The following ABCG2 variants were observed in gnomAD, a reference collection of about 807,000 sequenced individuals.
ABCG2 encodes the protein broad substrate specificity ATP-binding cassette transporter ABCG2.
ABCG2 carries 80 observed loss-of-function variants against 73.5 expected under a neutral mutation model. The ratio of observed to expected loss-of-function variants is 1.09; its 90% CI spans 0.91 to 1.31. ABCG2 has a LOEUF of 1.31. ABCG2 is among the 50% of genes most tolerant of loss of function. The pLI is 0.00. For synonymous variants in ABCG2, 269 were observed against 282.4 expected (o/e 0.95, Z 0.48); for missense variants, 796 against 786.2 (o/e 1.01, Z -0.15).
At chr4:88,199,849 A>G (rs1272345375) in intron 1 of ABCG2, among the ~76,000 whole-genome samples, 1 of 151,856 alleles carries the variant, frequency 6.6e-6, no homozygotes, top group Admixed American at 6.6e-5. Flanking sequence ...AATACAAAAA[A>G]GATTAGCCGG....
intron 1 of ABCG2, among the ~76,000 whole-genome samples, chr4:88,182,441 G>A (rs141556961): frequency 5.3e-5 from 8 of 152,180 alleles, no homozygotes; most frequent in African/African-American, 1.9e-4. Flanking sequence ...AACAGCTACA[G>A]AATACACATT....
intron 2 of ABCG2, among the ~76,000 whole-genome samples, chr4:88,137,110 C>A (rs1470308061): frequency 6.6e-6 from 1 of 151,570 alleles, no homozygotes; most frequent in Admixed American, 6.6e-5. Context: ...GAGGGAAGAA[C>A]CCACCTTGAA....
intron 8 of ABCG2, 88 bp downstream of exon 8, chr4:88,114,869 C>T (rs1429146415): frequency 2.4e-6 from 2 of 826,672 alleles, no homozygotes; most frequent in Non-Finnish European, 3.8e-6. Flanking sequence ...CAGAAATTCA[C>T]AAAGCCACAT....
intron 1 of ABCG2, among the ~76,000 whole-genome samples, chr4:88,230,707 A>G (rs1730432926): frequency 6.6e-6 from 1 of 152,126 alleles, no homozygotes; most frequent in Non-Finnish European, 1.5e-5. Flanking sequence ...CCTGCCTACA[A>G]TGCCCAACCC....
chr4:88,135,346 C>T (rs1161540395), intron 2 of ABCG2, among the ~76,000 whole-genome samples: 1 of 152,210 alleles, frequency 6.6e-6, no homozygotes, highest in East Asian at 1.9e-4. Flanking sequence ...CTGCCCATGA[C>T]ATACAGCACA....
At position 88,173,755 on chromosome 4, in the gene ABCG2, T is replaced by C. The variant is rs7658626; in HGVS notation, c.-19-33741A>G. On this transcript the variant is annotated intron_variant, in intron 1 of 15. Coordinates refer to the ABCG2 transcript ENST00000515655. ...GGCTCATACCTGTAATCCCAACACT[T>C]TGGGAGGCTGAGATGGGAAGATCAC... 5.0e-3 allele frequency among the ~76,000 whole-genome samples: 755 copies of C among 152,242 alleles called. 6 individuals carry two copies. The highest frequency in any genetic ancestry group is 0.017 in the Middle Eastern group (5 of 294).
chr4:88,147,345 A>G lies in ABCG2; in HGVS notation c.-19-7331T>C, dbSNP rs185848200. Among the ~76,000 whole-genome samples the G allele has an allele frequency of 2.0e-5, 3 of 152,354 alleles. No homozygotes were observed. The East Asian group carries it at 5.8e-4, about 29-fold the overall frequency. ...CAATATATACCAGTATTTAGATAAC[A>G]GCTTTAACAATTCAGCATTAAAACG... On this transcript the variant is annotated intron_variant, in intron 1 of 15. Transcript: ENST00000237612.
At chr4:88,226,458 G>A (rs1730216309) in intron 1 of ABCG2, among the ~76,000 whole-genome samples, 1 of 152,180 alleles carries the variant, frequency 6.6e-6, no homozygotes, top group Non-Finnish European at 1.5e-5. Flanking sequence ...TGTTGTTGGT[G>A]TTTCTATTGT....
intron 5 of ABCG2, among the ~76,000 whole-genome samples, 185 bp downstream of exon 5, chr4:88,130,876 A>G (rs1724807021): frequency 6.6e-6 from 1 of 152,184 alleles, no homozygotes; most frequent in South Asian, 2.1e-4. Context: ...AACCAATGTG[A>G]AGATTTTTTT....
At chr4:88,095,499 T>C in intron 14 of ABCG2, 21 bp downstream of exon 14, 2 of 1,597,378 alleles carry the variant, frequency 1.3e-6, no homozygotes, top group South Asian at 2.2e-5. Flanking sequence ...GCAGTCACAG[T>C]GACAGACAAG....
chr4:88,204,331 G>A (rs1394160042), intron 1 of ABCG2, among the ~76,000 whole-genome samples: 1 of 152,192 alleles, frequency 6.6e-6, no homozygotes, highest in Non-Finnish European at 1.5e-5. Flanking sequence ...TGAGGCAGGA[G>A]AGTCGCTTGA....
chr4:88,169,046 CTTT>C (rs55711211), intron 1 of ABCG2, among the ~76,000 whole-genome samples: 17 of 138,834 alleles, frequency 1.2e-4, no homozygotes, highest in South Asian at 2.3e-4. Flanking sequence ...AAGTAGTTAT[CTTT>C]TTTTTTTTTT....
chr4:88,097,707 TA>T, intron 12 of ABCG2, 100 bp from the exon 13 acceptor site: 2 of 1,296,780 alleles, frequency 1.5e-6, no homozygotes, highest in Non-Finnish European at 2.1e-6. Context: ...TTTGAGAAAC[TA>T]ATATTAGAAT....
intron 1 of ABCG2, among the ~76,000 whole-genome samples, chr4:88,221,184 G>A (rs376482560): frequency 6.6e-6 from 1 of 152,014 alleles, no homozygotes; most frequent in Non-Finnish European, 1.5e-5. Context: ...TACAAGAATC[G>A]CTTGAACCTG....
At position 88,118,223 on chromosome 4, in the gene ABCG2, G is replaced by C; in HGVS notation, c.727C>G (p.His243Asp). 6.2e-7 allele frequency: 1 copy of C among 1,614,146 alleles called. No individual in the cohort carries two copies. Among genetic ancestry groups the C allele is most frequent in the Non-Finnish European group, 8.5e-7 (1 of 1,179,998 alleles). ...TTGAAGATGGAATATCGAGGCTGAT[G>C]AATGGAGAAGATGATTGTTCGTCCC... ...KQGRTIIFSI[H>D]QPRYSIFKLF... Residue 243 changes from histidine (H) to aspartate (D), a missense_variant, in exon 7 of 16, where the codon CAT becomes GAT. Coordinates refer to ENST00000237612, the MANE Select transcript of ABCG2 (RefSeq NM_004827.3).
At chr4:88,185,808 C>T (rs1728430702) in intron 1 of ABCG2, among the ~76,000 whole-genome samples, 1 of 152,132 alleles carries the variant, frequency 6.6e-6, no homozygotes, top group Admixed American at 6.5e-5. Flanking sequence ...GAGATATCAT[C>T]TCATCCCAGT....
intron 1 of ABCG2, among the ~76,000 whole-genome samples, chr4:88,144,662 G>A (rs1267251022): frequency 1.3e-5 from 2 of 152,000 alleles, no homozygotes; most frequent in Admixed American, 6.6e-5. Flanking sequence ...CACCATGGTG[G>A]TCAAGGCTGG....
intron 1 of ABCG2, among the ~76,000 whole-genome samples, chr4:88,211,358 G>GCCCCCCCCCCCCCCCCCCC (rs1264405228): frequency 8.9e-5 from 3 of 33,648 alleles, no homozygotes; most frequent in Non-Finnish European, 1.1e-4. Flanking sequence ...TTCAACCCCT[G>GCCCCCCCCCCCCCCCCCCC]CCCCACCCCC....
upstream of ABCG2, chr4:88,163,674 C>T: frequency 6.4e-6 from 2 of 311,896 alleles, no homozygotes; most frequent in East Asian, 1.0e-4. Flanking sequence ...TTCACAAGCG[C>T]ATTCATAGAG....
Sources: gnomAD v4.1 joint callset for allele counts (sites outside exome capture counted in the v4.1 genomes callset) on GRCh38, gnomAD v4.1.1 for gene constraint, MANE v1.5 for transcripts, NCBI Gene and HGNC (gene_info 2026-07-23, HGNC 2026-07-21) for gene names.